Variants in TG observed in about 807,000 individuals in gnomAD.
TG encodes thyroglobulin, also known as thyroid hormones.
TG carries 270 observed loss-of-function variants against 324.7 expected under a neutral mutation model. The observed-to-expected ratio is 0.83, with a 90% CI of 0.75 to 0.92. TG has a LOEUF of 0.92. Ranked by LOEUF, TG falls within the 40% of genes least tolerant of loss-of-function variation. The pLI, the probability that TG is intolerant of heterozygous loss-of-function variation, is 0.00. For synonymous variants in TG, 1,401 were observed against 1,327.0 expected (o/e 1.06, Z -1.21); for missense variants, 3,591 against 3,456.4 (o/e 1.04, Z -0.98).
At chr8:132,989,513 C>G (rs895055667) in intron 35 of TG, among the ~76,000 whole-genome samples, 1 of 152,154 alleles carries the variant, frequency 6.6e-6, no homozygotes, top group Non-Finnish European at 1.5e-5. Flanking sequence ...AGAGATGTCT[C>G]GTTACAGTTT....
intron 40 of TG, 74 bp from the exon 41 acceptor site, chr8:133,029,747 A>G: frequency 6.3e-7 from 1 of 1,595,370 alleles, no homozygotes; most frequent in Non-Finnish European, 8.6e-7. Flanking sequence ...TATGCCTGCC[A>G]TAGACAGCAC....
chr8:132,940,563 G>C (rs1316812328), intron 25 of TG, among the ~76,000 whole-genome samples: 1 of 152,200 alleles, frequency 6.6e-6, no homozygotes, highest in Non-Finnish European at 1.5e-5. Context: ...ATAAAGAAAT[G>C]CTTCTGAAAA....
At chr8:132,919,319 T>C (rs910140478) in intron 20 of TG, 57 bp from the exon 21 acceptor site, 3 of 1,570,220 alleles carry the variant, frequency 1.9e-6, no homozygotes, top group Admixed American at 1.8e-5. Context: ...TGTTCTGGGA[T>C]TGTAACTGTG....
intron 5 of TG, among the ~76,000 whole-genome samples, chr8:132,879,361 C>T (rs1814316135): frequency 6.6e-6 from 1 of 152,104 alleles, no homozygotes; most frequent in African/African-American, 2.4e-5. Context: ...GATTCTTGGC[C>T]CCTGGTCTTG....
rs976168958 is a variant in TG, at chr8:132,963,027, G to T, written c.5501G>T (p.Gly1834Val). ...SDMGSRPESM[G>V]CRKDTVPRPA... ...ATGGGGTCTCGGCCTGAGTCTATGG[G>T]ATGTAGAAAAGACACAGTGCCAAGG... The change falls in exon 29 of 48, where the codon GGA (glycine) becomes GTA (valine). Residue 1834 changes from glycine to valine, a missense_variant. Coordinates refer to ENST00000220616, the MANE Select transcript of TG (RefSeq NM_003235.5). 2 of 1,613,980 alleles carry T rather than the reference G, an allele frequency of 1.2e-6. No homozygotes were observed. The highest frequency in any genetic ancestry group is 4.5e-5 in the East Asian group (2 of 44,874).
At chr8:133,127,106 G>C (rs904229435) in intron 45 of TG, among the ~76,000 whole-genome samples, 1 of 152,102 alleles carries the variant, frequency 6.6e-6, no homozygotes, top group African/African-American at 2.4e-5. Flanking sequence ...GCTTCCCCAT[G>C]CAAAACAGTG....
intron 25 of TG, 30 bp from the exon 26 acceptor site, chr8:132,941,321 T>G (rs990542648): frequency 8.7e-6 from 14 of 1,614,082 alleles, no homozygotes; most frequent in Non-Finnish European, 1.1e-5. Flanking sequence ...TTTTGAGGTC[T>G]TTTAAAATTT....
chr8:132,880,909 A>G (rs1414776543), intron 5 of TG, among the ~76,000 whole-genome samples: 8 of 152,152 alleles, frequency 5.3e-5, no homozygotes, highest in Non-Finnish European at 1.0e-4. Context: ...CTACTATTGG[A>G]CATTAAGGTT....
At chr8:133,097,817 G>A (rs1848652263) in intron 43 of TG, among the ~76,000 whole-genome samples, 1 of 152,138 alleles carries the variant, frequency 6.6e-6, no homozygotes, top group Admixed American at 6.5e-5. Flanking sequence ...ATTTATGTGT[G>A]CGTGTGTATG....
intron 38 of TG, among the ~76,000 whole-genome samples, chr8:133,018,300 C>T (rs1009997445): frequency 5.3e-5 from 8 of 152,134 alleles, no homozygotes; most frequent in Admixed American, 3.9e-4. Context: ...CATGAATCTT[C>T]CAAGGTCCCC....
At chr8:132,912,378 G>A (rs567293324) in intron 19 of TG, among the ~76,000 whole-genome samples, 5 of 152,144 alleles carry the variant, frequency 3.3e-5, no homozygotes, top group Non-Finnish European at 7.3e-5. Context: ...GTGAGGCAGC[G>A]AGACTGTGAT....
At chr8:133,003,050 C>G in intron 35 of TG, 8 of 1,067,538 alleles carry the variant, frequency 7.5e-6, no homozygotes, top group Non-Finnish European at 9.1e-6. Flanking sequence ...CCAGGTACCT[C>G]TCCTCTTTCC....
At chr8:133,076,311 A>G (rs1844853972) in intron 41 of TG, among the ~76,000 whole-genome samples, 3 of 152,222 alleles carry the variant, frequency 2.0e-5, no homozygotes, top group Admixed American at 2.0e-4. Flanking sequence ...TGAGGCTGAC[A>G]CAGCCACCCT....
chr8:132,966,428 G>T, intron 29 of TG, 132 bp from the exon 30 acceptor site: 2 of 1,200,280 alleles, frequency 1.7e-6, no homozygotes, highest in South Asian at 1.3e-5. Context: ...AAATGTCTCT[G>T]TCTCTATCTC....
Position 132,969,267 on chromosome 8 carries a change from A to T in TG, c.5864-191A>T, listed in dbSNP as rs58506715. Among the ~76,000 whole-genome samples, 1,129 of 151,238 alleles carry T rather than the reference A, an allele frequency of 7.5e-3. 13 individuals are homozygous for T. The highest frequency in any genetic ancestry group is 0.025 in the African/African-American group (1,041 of 40,864). On this transcript the variant is annotated intron_variant, in intron 31 of 47. Transcript: ENST00000220616. Reference sequence around the variant, plus strand: ...TTTGTTGCTGTGTCTCCACTTTTTTAAAAAAAATCTTTGTCCCTGTGGACT... The same window carrying T: ...TTTGTTGCTGTGTCTCCACTTTTTTTAAAAAAATCTTTGTCCCTGTGGACT...
chr8:132,885,029 A>G (rs143185817), intron 8 of TG, among the ~76,000 whole-genome samples: 2 of 150,686 alleles, frequency 1.3e-5, no homozygotes, highest in Admixed American at 1.3e-4. Context: ...CTCCCACCAC[A>G]TTTTCCAGTT....
rs778861204 is a variant in TG, at chr8:132,923,368, G to A, written c.4559G>A (p.Gly1520Asp). Residue 1520 changes from glycine (G) to aspartate (D), a missense_variant, in exon 22 of 48, where the codon GGC becomes GAC. Gly to Asp is a moderately conservative substitution (Grantham distance 94). Transcript: ENST00000220616. The stretch of plus-strand genomic sequence containing the variant: ...ACTGACTGTCAGAGGAACGAAGCAG[G>A]CCTGCAATGTGACCAGAATGGCCAG... The part of the protein sequence containing the change: ...CVTDCQRNEA[G>D]LQCDQNGQYR... 3.1e-6 allele frequency: 5 copies of A among 1,614,118 alleles called. No individual in the cohort carries two copies. The Admixed American group carries it at 5.0e-5, about 16-fold the overall frequency.
intron 35 of TG, among the ~76,000 whole-genome samples, chr8:132,987,778 A>G (rs185009839): frequency 7.2e-5 from 11 of 151,756 alleles, no homozygotes; most frequent in African/African-American, 2.7e-4. Flanking sequence ...GTCTACTTCA[A>G]AGAAAGAATT....
intron 27 of TG, among the ~76,000 whole-genome samples, chr8:132,958,549 C>A (rs1827270830): frequency 6.6e-6 from 1 of 152,070 alleles, no homozygotes; most frequent in Non-Finnish European, 1.5e-5. Context: ...GAAACCCTGT[C>A]TCTACTAAAA....
Sources: gnomAD v4.1 joint callset for allele counts (sites outside exome capture counted in the v4.1 genomes callset) on GRCh38, gnomAD v4.1.1 for gene constraint, MANE v1.5 for transcripts, NCBI Gene and HGNC (gene_info 2026-07-23, HGNC 2026-07-21) for gene names.